Variants in DYNC2H1 observed in about 807,000 individuals in gnomAD.
DYNC2H1 encodes cytoplasmic dynein 2 heavy chain 1.
A neutral mutation model predicts 570.0 loss-of-function variants in DYNC2H1; 410 were observed. That is an observed-to-expected ratio of 0.72 (90% CI 0.66 to 0.78). DYNC2H1 has a LOEUF of 0.78. DYNC2H1 is among the 30% of genes least tolerant of loss of function. The pLI, the probability that DYNC2H1 is intolerant of heterozygous loss-of-function variation, is 0.00. For synonymous variants in DYNC2H1, 1,688 were observed against 1,677.6 expected (o/e 1.01, Z -0.15); for missense variants, 4,865 against 5,046.4 (o/e 0.96, Z 1.09).
At chr11:103,207,242 TA>T (rs71066138) in intron 52 of DYNC2H1, among the ~76,000 whole-genome samples, 1,817 of 139,818 alleles carry the variant, frequency 0.013, 38 homozygotes, top group African/African-American at 0.044. Flanking sequence ...TTTTTTTTTT[TA>T]AAAAAAGATG....
Position 103,186,519 on chromosome 11 carries a change from A to G in DYNC2H1, c.6893+18A>G. On this transcript the variant is annotated intron_variant, in intron 42 of 88. Coordinates refer to ENST00000375735, the MANE Select transcript of DYNC2H1 (RefSeq NM_001377.3). The surrounding 1 kb of genome is among the most constrained non-coding windows in gnomAD (Gnocchi z 4.5). ...GGCAAAGGGTAAGAAAAATATTGGC[A>G]AAGGTATATGTTGTGGATTTATTCC... is the stretch of plus-strand genomic sequence containing the variant. 1 of 1,604,482 alleles carries G rather than the reference A, an allele frequency of 6.2e-7. No homozygotes were observed. Among genetic ancestry groups the G allele is most frequent in the Non-Finnish European group, 8.5e-7 (1 of 1,178,216 alleles).
chr11:103,192,404 T>TC, intron 47 of DYNC2H1, 140 bp downstream of exon 47: 1 of 568,606 alleles, frequency 1.8e-6, no homozygotes, highest in Non-Finnish European at 2.7e-6. Flanking sequence ...AAGGTACAGC[T>TC]CAGTCTTTTT....
At chr11:103,110,589 G>A (rs1044225535) in intron 1 of DYNC2H1, among the ~76,000 whole-genome samples, 1 of 151,872 alleles carries the variant, frequency 6.6e-6, no homozygotes, top group Non-Finnish European at 1.5e-5. Context: ...TAATTGCACT[G>A]CTCCCTCCAC....
intron 20 of DYNC2H1, among the ~76,000 whole-genome samples, chr11:103,149,601 C>T (rs908351806): frequency 5.3e-5 from 8 of 152,044 alleles, no homozygotes; most frequent in African/African-American, 9.7e-5. Flanking sequence ...ATAATGTATC[C>T]GTCTAGTAGA....
chr11:103,204,746 G>C lies in DYNC2H1; in HGVS notation c.8312-76G>C. The C allele has an allele frequency of 8.9e-7, 1 of 1,127,082 alleles. No homozygotes were observed. The highest frequency in any genetic ancestry group is 1.8e-5 in the South Asian group (1 of 56,542). The allele number at this position is 1,127,082 out of a possible 1,614,324, so 69.8% of individuals were successfully genotyped here. ...AGAAACAACTCCTACTATTTCATTT[G>C]AGAAAATTTTGATCTCTTTAACCCA... On this transcript the variant is annotated intron_variant, in intron 51 of 88. Coordinates refer to ENST00000375735, the MANE Select transcript of DYNC2H1 (RefSeq NM_001377.3). The surrounding 1 kb of genome is among the most constrained non-coding windows in gnomAD (Gnocchi z 4.1).
intron 63 of DYNC2H1, among the ~76,000 whole-genome samples, chr11:103,238,097 T>A (rs1429930149): frequency 6.6e-6 from 1 of 152,144 alleles, no homozygotes; most frequent in African/African-American, 2.4e-5. Context: ...AGATTTAAAA[T>A]TAGTTGTAGT....
At chr11:103,180,762 A>T (rs762358100) in intron 39 of DYNC2H1, among the ~76,000 whole-genome samples, 2 of 151,342 alleles carry the variant, frequency 1.3e-5, no homozygotes, top group Non-Finnish European at 3.0e-5. Context: ...ACATTGAGAA[A>T]ATACCATTGG....
At chr11:103,387,345 G>T (rs146798439) in intron 83 of DYNC2H1, among the ~76,000 whole-genome samples, 5,385 of 152,178 alleles carry the variant, frequency 0.035, 309 homozygotes, top group African/African-American at 0.12. Flanking sequence ...TGTTGATGGG[G>T]TTCTTTGTTT....
chr11:103,231,014 T>C (rs1037993812), intron 59 of DYNC2H1, among the ~76,000 whole-genome samples: 5 of 152,208 alleles, frequency 3.3e-5, no homozygotes, highest in African/African-American at 1.2e-4. Flanking sequence ...ATGTTTACCA[T>C]TTTTATCCAG....
intron 76 of DYNC2H1, among the ~76,000 whole-genome samples, chr11:103,303,720 A>G (rs181696889): frequency 7.9e-4 from 120 of 152,200 alleles, no homozygotes; most frequent in Non-Finnish European, 2.5e-4. Context: ...CTATAGTAGT[A>G]CCTTTGTTTT....
At position 103,158,924 on chromosome 11, in the gene DYNC2H1, A is replaced by G. The variant is rs775783787; in HGVS notation, c.4275A>G (p.Ala1425=). ...ATTTTTATTAGGAAAAACGCTCAGC[A>G]TTCCCAAGATTTTATTTTATTGGTG... is the stretch of plus-strand genomic sequence containing the variant. The part of the protein sequence containing the change: ...LNEFLEEKRS[A]FPRFYFIGDD... Residue 1425 remains alanine (A), a synonymous_variant, in exon 28 of 89, where the codon GCA becomes GCG. Coordinates refer to ENST00000375735, the MANE Select transcript of DYNC2H1 (RefSeq NM_001377.3). 1.2e-6 allele frequency: 2 copies of G among 1,609,256 alleles called. No individual in the cohort carries two copies. Among genetic ancestry groups the G allele is most frequent in the South Asian group, 2.3e-5 (2 of 88,714 alleles).
At chr11:103,291,167 G>T (rs1416030066) in intron 75 of DYNC2H1, among the ~76,000 whole-genome samples, 2 of 152,188 alleles carry the variant, frequency 1.3e-5, no homozygotes, top group Non-Finnish European at 2.9e-5. Flanking sequence ...GCTGGGCGTG[G>T]TGGCTCATGC....
chr11:103,332,963 A>G (rs1345190685), intron 82 of DYNC2H1, among the ~76,000 whole-genome samples: 1 of 151,954 alleles, frequency 6.6e-6, no homozygotes, highest in African/African-American at 2.4e-5. Context: ...AGATCATGCC[A>G]CTGTACTCCA....
Position 103,244,571 on chromosome 11 carries a change from A to G in DYNC2H1, c.9919-680A>G, listed in dbSNP as rs1360671234. On this transcript the variant is annotated intron_variant, in intron 64 of 88. Transcript: ENST00000375735. The surrounding 1 kb of genome is among the most constrained non-coding windows in gnomAD (Gnocchi z 4.3). ...AATCATTTATGGTTTGCAATATTAT[A>G]TATAACTATATATGCAAATCATTTA... Among the ~76,000 whole-genome samples the G allele has an allele frequency of 6.7e-6, 1 of 149,146 alleles. No individual in the cohort carries two copies. The highest frequency in any genetic ancestry group is 2.0e-4 in the East Asian group (1 of 5,128).
chr11:103,377,996 C>T (rs914449034), intron 83 of DYNC2H1, among the ~76,000 whole-genome samples: 1 of 152,172 alleles, frequency 6.6e-6, no homozygotes, highest in African/African-American at 2.4e-5. Context: ...CTTGGCCTCC[C>T]AAAGCAATGG....
At chr11:103,312,789 GCCTAGA>G (rs896337023) in intron 79 of DYNC2H1, among the ~76,000 whole-genome samples, 9 of 151,832 alleles carry the variant, frequency 5.9e-5, no homozygotes, top group African/African-American at 2.2e-4. Context: ...AGTTTATATT[GCCTAGA>G]CGTCTCAAAC....
chr11:103,452,476 G>GTA (rs1400203349), intron 85 of DYNC2H1, among the ~76,000 whole-genome samples: 2 of 151,736 alleles, frequency 1.3e-5, no homozygotes. Flanking sequence ...ATAGCCAATA[G>GTA]GATTAGCCTC....
intron 82 of DYNC2H1, among the ~76,000 whole-genome samples, chr11:103,354,297 C>T (rs2458643): frequency 0.55 from 83,150 of 151,334 alleles, 24,668 homozygotes; most frequent in Admixed American, 0.66. Flanking sequence ...CATTTTTCCC[C>T]TTTTTAAAAA....
chr11:103,164,339 T>C (rs1452517195), intron 30 of DYNC2H1, among the ~76,000 whole-genome samples: 1 of 152,164 alleles, frequency 6.6e-6, no homozygotes, highest in Non-Finnish European at 1.5e-5. Context: ...AAGTGTGAAC[T>C]ACTAAAAATG....
Sources: gnomAD v4.1 joint callset for allele counts (sites outside exome capture counted in the v4.1 genomes callset) on GRCh38, gnomAD v4.1.1 for gene constraint, Gnocchi (gnomAD v3.1) non-coding constraint, MANE v1.5 for transcripts, NCBI Gene and HGNC (gene_info 2026-07-23, HGNC 2026-07-21) for gene names.